KHDRBS2: variants seen among roughly 807,000 people sequenced by gnomAD.
The protein encoded by KHDRBS2 is KH RNA binding domain containing, signal transduction associated 2, also known as KH domain-containing, RNA-binding, signal transduction-associated protein 2.
A neutral mutation model predicts 44.3 loss-of-function variants in KHDRBS2; 26 were observed. The observed-to-expected ratio is 0.59, with a 90% CI of 0.43 to 0.81. KHDRBS2 has a LOEUF of 0.81. KHDRBS2 is among the 40% of genes least tolerant of loss of function. The probability of loss-of-function intolerance (pLI) is 0.00; values close to 1 mark genes in which losing one functional copy is unlikely to be tolerated. For synonymous variants in KHDRBS2, 194 were observed against 151.1 expected (o/e 1.28, Z -2.08); for missense variants, 476 against 433.1 (o/e 1.10, Z -0.88).
At chr6:62,019,933 G>C (rs561160298) in intron 3 of KHDRBS2, among the ~76,000 whole-genome samples, 1 of 151,160 alleles carries the variant, frequency 6.6e-6, no homozygotes, top group East Asian at 1.9e-4. Flanking sequence ...TGTTCAATCT[G>C]ATCTTTATTA....
chr6:61,659,347 G>C, the KHDRBS2 span, among the ~76,000 whole-genome samples: 1 of 151,670 alleles, frequency 6.6e-6, no homozygotes, highest in Non-Finnish European at 1.5e-5. Flanking sequence ...AGACAGCTAG[G>C]GATAAGAATG....
chr6:61,787,601 T>G (rs76217787), intron 6 of KHDRBS2, among the ~76,000 whole-genome samples: 4,961 of 151,778 alleles, frequency 0.033, 276 homozygotes, highest in African/African-American at 0.11. Context: ...TTGGTTTTGT[T>G]TTGGCTTTTT....
intron 2 of KHDRBS2, among the ~76,000 whole-genome samples, chr6:62,118,679 G>T (rs571076959): frequency 6.6e-6 from 1 of 152,134 alleles, no homozygotes; most frequent in Non-Finnish European, 1.5e-5. Flanking sequence ...AGCATGGCTA[G>T]GATACAAGCA....
At chr6:61,678,073 C>A (rs553477708), downstream of KHDRBS2, among the ~76,000 whole-genome samples, 1 of 151,742 alleles carries the variant, frequency 6.6e-6, no homozygotes, top group East Asian at 2.0e-4. Flanking sequence ...GTTTAAAACC[C>A]TGCTTTAAAC....
At position 62,067,695 on chromosome 6, in the gene KHDRBS2, C is replaced by T. The variant is rs189310261; in HGVS notation, c.220-19701G>A. Among the ~76,000 whole-genome samples, 12 of 151,482 alleles carry T rather than the reference C, an allele frequency of 7.9e-5. No individual in the cohort carries two copies. In the East Asian group the frequency reaches 2.2e-3, roughly 27 times the overall value. ...AAATCTAAGTTTAGAATGTTTAAGT[C>T]CTCTGTAAAAAAATCCCATACTTAA... On this transcript the variant is annotated intron_variant, in intron 2 of 8. Transcript: ENST00000281156.
intron 6 of KHDRBS2, among the ~76,000 whole-genome samples, chr6:61,783,263 C>G (rs1204864703): frequency 6.6e-6 from 1 of 152,140 alleles, no homozygotes; most frequent in Non-Finnish European, 1.5e-5. Context: ...CGCTCCTTCT[C>G]CTAGAATGTC....
chr6:62,049,838 G>A (rs1379739519), intron 2 of KHDRBS2, among the ~76,000 whole-genome samples: 1 of 152,040 alleles, frequency 6.6e-6, no homozygotes, highest in East Asian at 1.9e-4. Flanking sequence ...TTATACTGTT[G>A]GTGGGAGTGT....
At position 61,756,733 on chromosome 6, in the gene KHDRBS2, C is replaced by T. The variant is rs75467913; in HGVS notation, c.811-23969G>A. Among the ~76,000 whole-genome samples the T allele has an allele frequency of 2.8e-3, 431 of 152,294 alleles. 5 individuals are homozygous for T. The highest frequency in any genetic ancestry group is 1.0e-2 in the African/African-American group (415 of 41,566). ...ATTTCACAGACATTTTTCAAGTGTACAATTTGACATAGGTGCAAACTAGTG... is the reference window on the plus strand; with the variant it reads ...ATTTCACAGACATTTTTCAAGTGTATAATTTGACATAGGTGCAAACTAGTG... On this transcript the variant is annotated intron_variant, in intron 6 of 8. Transcript: ENST00000281156.
intron 1 of KHDRBS2, among the ~76,000 whole-genome samples, chr6:62,247,162 C>G (rs1835718620): frequency 6.6e-6 from 1 of 152,074 alleles, no homozygotes; most frequent in East Asian, 1.9e-4. Context: ...AAAAATCTAC[C>G]TACTAGGGCC....
chr6:61,746,491 C>CT (rs1306248858), intron 6 of KHDRBS2, among the ~76,000 whole-genome samples: 2 of 151,984 alleles, frequency 1.3e-5, no homozygotes. Context: ...TGAACTCATT[C>CT]TTTTTTATGG....
At chr6:62,066,039 G>A (rs1793617961) in intron 2 of KHDRBS2, among the ~76,000 whole-genome samples, 1 of 151,458 alleles carries the variant, frequency 6.6e-6, no homozygotes, top group South Asian at 2.1e-4. Flanking sequence ...GTCCTTAAAT[G>A]TATTCAAAGA....
chr6:62,252,940 A>T (rs1216953140), intron 1 of KHDRBS2, among the ~76,000 whole-genome samples: 1 of 151,980 alleles, frequency 6.6e-6, no homozygotes, highest in Non-Finnish European at 1.5e-5. Flanking sequence ...ACTATAAAAA[A>T]CCCAAGTTAT....
intron 4 of KHDRBS2, among the ~76,000 whole-genome samples, chr6:61,901,637 A>T (rs1804063885): frequency 1.3e-5 from 2 of 152,234 alleles, no homozygotes; most frequent in South Asian, 4.1e-4. Context: ...ATATCACATG[A>T]TGTGTTAGCT....
chr6:62,267,014 C>T lies in KHDRBS2; in HGVS notation c.91+18844G>A, dbSNP rs76352174. 2.0e-3 allele frequency among the ~76,000 whole-genome samples: 308 copies of T among 152,046 alleles called. 1 individual carries two copies. Among genetic ancestry groups the T allele is most frequent in the African/African-American group, 6.8e-3 (281 of 41,512 alleles). On this transcript the variant is annotated intron_variant, in intron 1 of 8. Coordinates refer to ENST00000281156, the MANE Select transcript of KHDRBS2 (RefSeq NM_152688.4). ...GTAGTAGTACAAGTAAGTTTCTACA[C>T]TCAAGTCCTAATTTCAATGTCTGCT...
At chr6:61,995,034 TAGA>T (rs1761530063) in intron 3 of KHDRBS2, among the ~76,000 whole-genome samples, 1 of 152,086 alleles carries the variant, frequency 6.6e-6, no homozygotes, top group Admixed American at 6.6e-5. Context: ...AGGTTTGAAG[TAGA>T]AGATGTAGAC....
intron 3 of KHDRBS2, among the ~76,000 whole-genome samples, chr6:61,991,177 A>C (rs1426867669): frequency 6.6e-6 from 1 of 152,218 alleles, no homozygotes; most frequent in Non-Finnish European, 1.5e-5. Flanking sequence ...GTCCATTAAA[A>C]AATTTTCACT....
At chr6:61,758,047 CTT>C (rs1240046143) in intron 6 of KHDRBS2, among the ~76,000 whole-genome samples, 1 of 152,138 alleles carries the variant, frequency 6.6e-6, no homozygotes, top group East Asian at 1.9e-4. Flanking sequence ...GTCTAGTACT[CTT>C]ACAATTTTTA....
At chr6:61,615,094 G>A in the KHDRBS2 span, among the ~76,000 whole-genome samples, 2 of 151,528 alleles carry the variant, frequency 1.3e-5, no homozygotes, top group East Asian at 3.9e-4. Flanking sequence ...TTAGCCGGGT[G>A]TGGTGGTGCA....
chr6:61,626,868 T>C, the KHDRBS2 span, among the ~76,000 whole-genome samples: 1 of 151,946 alleles, frequency 6.6e-6, no homozygotes, highest in African/African-American at 2.4e-5. Context: ...TCTCTCTCTC[T>C]TCAGTTTTTT....
Sources: gnomAD v4.1 joint callset for allele counts (sites outside exome capture counted in the v4.1 genomes callset) on GRCh38, gnomAD v4.1.1 for gene constraint, MANE v1.5 for transcripts, NCBI Gene and HGNC (gene_info 2026-07-23, HGNC 2026-07-21) for gene names.